The following SFTPD variants were observed in gnomAD, a reference collection of about 807,000 sequenced individuals.
The protein encoded by SFTPD is surfactant protein D.
Under a neutral mutation model 34.6 loss-of-function variants are expected in SFTPD, and 18 were observed. That is an observed-to-expected ratio of 0.52 (90% CI 0.36 to 0.77). SFTPD has a LOEUF of 0.77. Ranked by LOEUF, SFTPD falls within the 30% of genes least tolerant of loss-of-function variation. The pLI is 0.00. For missense variants in SFTPD, 433 were observed against 468.9 expected (o/e 0.92, Z 0.71); for synonymous variants, 155 against 180.9 (o/e 0.86, Z 1.15).
upstream of SFTPD, among the ~76,000 whole-genome samples, chr10:79,951,528 T>C (rs1358889163): frequency 6.6e-6 from 1 of 152,206 alleles, no homozygotes; most frequent in Non-Finnish European, 1.5e-5. Flanking sequence ...ATTATGCTGA[T>C]TGTAGTAGCA....
chr10:79,967,995 C>T (rs566897434), intron 1 of SFTPD, among the ~76,000 whole-genome samples: 119 of 150,650 alleles, frequency 7.9e-4, no homozygotes, highest in African/African-American at 2.8e-3. Flanking sequence ...AGCCCACCTG[C>T]GCCCAGGTGA....
intron 2 of SFTPD, among the ~76,000 whole-genome samples, chr10:79,944,809 C>T (rs1273618011): frequency 6.6e-6 from 1 of 152,036 alleles, no homozygotes; most frequent in Non-Finnish European, 1.5e-5. Context: ...GGGGATGTCA[C>T]CAGAGTGACT....
intron 1 of SFTPD, among the ~76,000 whole-genome samples, chr10:79,974,324 C>A (rs542449653): frequency 1.3e-5 from 2 of 151,728 alleles, no homozygotes; most frequent in Admixed American, 6.5e-5. Flanking sequence ...CCTGCCACCA[C>A]GCCCAGCTAA....
Position 79,940,783 on chromosome 10 carries a change from C to G in SFTPD, c.673G>C (p.Ala225Pro). 1.2e-6 allele frequency: 2 copies of G among 1,608,850 alleles called. No homozygotes were observed. The highest frequency in any genetic ancestry group is 8.5e-7 in the Non-Finnish European group (1 of 1,175,450). Residue 225 changes from alanine to proline, a missense_variant, in exon 7 of 8, where the codon GCT (alanine) becomes CCT (proline). By Grantham distance (27) the Ala-to-Pro change is conservative. Coordinates refer to ENST00000372292, the MANE Select transcript of SFTPD (RefSeq NM_003019.5). ...GCCTCAACCTGCTGCCTCAGAGAAG[C>G]AACATCTGGAGGGGAGAAAATGGCC... ...AKGESGLPDV[A>P]SLRQQVEALQ...
chr10:79,942,169 G>C (rs1842619710), intron 4 of SFTPD, 99 bp from the exon 5 acceptor site: 2 of 878,824 alleles, frequency 2.3e-6, no homozygotes, highest in South Asian at 3.1e-5. Flanking sequence ...TTTAGGGTCA[G>C]AGAGAGAAGT....
chr10:79,961,568 G>A (rs912414448), intron 1 of SFTPD, among the ~76,000 whole-genome samples: 2 of 152,208 alleles, frequency 1.3e-5, no homozygotes, highest in Non-Finnish European at 2.9e-5. Context: ...GGCCATCAGA[G>A]AAATGCAAAT....
chr10:79,944,667 A>C (rs1215567327), intron 2 of SFTPD, among the ~76,000 whole-genome samples: 2 of 152,132 alleles, frequency 1.3e-5, no homozygotes, highest in Admixed American at 1.3e-4. Flanking sequence ...GATTTGTCCA[A>C]GGGAGACGAG....
chr10:79,941,250 C>T, intron 6 of SFTPD, 148 bp downstream of exon 6: 2 of 712,996 alleles, frequency 2.8e-6, no homozygotes, highest in East Asian at 2.6e-5. Flanking sequence ...TCCTGCCTTC[C>T]AGCCTGTCCG....
Position 79,942,003 on chromosome 10 carries a change from C to T in SFTPD, c.501G>A (p.Glu167=), listed in dbSNP as rs769946886. 1.9e-6 allele frequency: 3 copies of T among 1,614,036 alleles called. No homozygotes were observed. The Admixed American group carries it at 5.0e-5, about 27-fold the overall frequency. ...CTCCACGCTCACCAGGGACACCTCG[C>T]TCTCCCTTAGGGCCTGCGAGGCCTC... ...GARGLAGPKG[E]RGVPGERGVP... Residue 167 remains glutamate, a synonymous_variant, in exon 5 of 8, where the codon GAG becomes GAA. Coordinates refer to ENST00000372292, the MANE Select transcript of SFTPD (RefSeq NM_003019.5).
At chr10:79,976,223 G>A (rs1396255438) in intron 1 of SFTPD, among the ~76,000 whole-genome samples, 1 of 152,156 alleles carries the variant, frequency 6.6e-6, no homozygotes, top group Non-Finnish European at 1.5e-5. Context: ...AGTAGCATGA[G>A]GACTTTAAGA....
At chr10:79,979,325 G>A (rs1473919795) in intron 1 of SFTPD, among the ~76,000 whole-genome samples, 1 of 151,434 alleles carries the variant, frequency 6.6e-6, no homozygotes, top group Admixed American at 6.6e-5. Context: ...ACAACTATCC[G>A]CACAAAAAAA....
intron 1 of SFTPD, among the ~76,000 whole-genome samples, chr10:79,961,672 A>G (rs1842773378): frequency 2.0e-5 from 3 of 152,228 alleles, no homozygotes; most frequent in Admixed American, 2.0e-4. Context: ...GTAGAGAAAT[A>G]GGAACACTTT....
chr10:79,946,405 T>C (rs773655221), intron 2 of SFTPD, 56 bp downstream of exon 2: 3 of 1,323,754 alleles, frequency 2.3e-6, no homozygotes, highest in Non-Finnish European at 3.3e-6. Flanking sequence ...GCTGGGCTAG[T>C]TACAGTTCCA....
At chr10:79,955,878 G>C (rs1211018977) in intron 1 of SFTPD, among the ~76,000 whole-genome samples, 6 of 152,134 alleles carry the variant, frequency 3.9e-5, no homozygotes, top group African/African-American at 1.4e-4. Flanking sequence ...ATCCTGACTG[G>C]TATTACTTCT....
chr10:79,975,518 A>C (rs1246176336), intron 1 of SFTPD, among the ~76,000 whole-genome samples: 2 of 152,050 alleles, frequency 1.3e-5, no homozygotes, highest in Non-Finnish European at 2.9e-5. Context: ...CACATTCTCC[A>C]ACTGTTGCTC....
At position 79,938,177 on chromosome 10, in the gene SFTPD, G is replaced by A; in HGVS notation, c.803C>T (p.Ala268Val). ...CTCCGTAAATGGTTTTACAAAGCCT[G>A]CTGTCTTGAAAATCTTCTCCCCGAC... ...QSVGEKIFKTAGFVKPFTEAQ... is the reference protein window; with the variant it reads ...QSVGEKIFKTVGFVKPFTEAQ... Residue 268 changes from alanine (A) to valine (V), a missense_variant, in exon 8 of 8, where the codon GCA (alanine) becomes GTA (valine). Coordinates refer to ENST00000372292, the MANE Select transcript of SFTPD (RefSeq NM_003019.5). 1 of 1,605,398 alleles carries A rather than the reference G, an allele frequency of 6.2e-7. No individual in the cohort carries two copies. The highest frequency in any genetic ancestry group is 8.5e-7 in the Non-Finnish European group (1 of 1,172,676).
chr10:79,974,926 T>C (rs1261367930), intron 1 of SFTPD, among the ~76,000 whole-genome samples: 1 of 152,198 alleles, frequency 6.6e-6, no homozygotes, highest in Non-Finnish European at 1.5e-5. Flanking sequence ...TCTATAGACA[T>C]TCGATTAACT....
chr10:79,942,455 G>A lies in SFTPD; in HGVS notation c.366C>T (p.Pro122=), dbSNP rs562988721. 7 of 1,613,614 alleles carry A rather than the reference G, an allele frequency of 4.3e-6. No individual in the cohort carries two copies. In the East Asian group the frequency reaches 6.7e-5, roughly 15 times the overall value. Residue 122 remains proline (P), a synonymous_variant, in exon 4 of 8, where the codon CCC becomes CCT. Coordinates refer to ENST00000372292, the MANE Select transcript of SFTPD (RefSeq NM_003019.5). ...GTCCTATGTTCCCCTGCTTCCCCAG[G>A]GGACCTTCTCTTCCAGCTGGACCAG... The part of the protein sequence containing the change: ...GVPGPAGREG[P]LGKQGNIGPQ...
At chr10:79,943,821 C>G (rs2132497494) in intron 2 of SFTPD, among the ~76,000 whole-genome samples, 1 of 152,360 alleles carries the variant, frequency 6.6e-6, no homozygotes, top group Non-Finnish European at 1.5e-5. Flanking sequence ...ACCTCTGACA[C>G]CCAACAGCAC....
Sources: allele counts gnomAD v4.1 joint callset (sites outside exome capture counted in the v4.1 genomes callset), GRCh38; gene constraint gnomAD v4.1.1; transcripts MANE v1.5; gene names NCBI Gene and HGNC (gene_info 2026-07-23, HGNC 2026-07-21).